The following ATF7 variants were observed in gnomAD, a reference collection of about 807,000 sequenced individuals.
The protein encoded by ATF7 is activating transcription factor 7.
Under a neutral mutation model 50.4 loss-of-function variants are expected in ATF7, and 10 were observed. That is an observed-to-expected ratio of 0.20 (90% CI 0.12 to 0.34). ATF7 has a LOEUF of 0.34. ATF7 is among the 10% of genes least tolerant of loss of function. ATF7 has a pLI of 1.00. For missense variants in ATF7, 465 were observed against 613.9 expected (o/e 0.76, Z 2.56); for synonymous variants, 201 against 226.4 (o/e 0.89, Z 1.01).
At position 53,512,542 on chromosome 12, in the gene ATF7, C is replaced by G. The variant is rs1405707993; in HGVS notation, c.*4595G>C. 1.3e-5 allele frequency: 2 copies of G among 152,236 alleles called. No individual in the cohort carries two copies. Among genetic ancestry groups the G allele is most frequent in the African/African-American group, 4.8e-5 (2 of 41,452 alleles). The allele number at this position is 152,236 out of a possible 1,614,324, so 9.4% of individuals were successfully genotyped here. Reference sequence around the variant, plus strand: ...TCTTGGGGCTGGAAGCTCATCTCCTCCCTGCCTGAAAGGTGTGTGTGTTGT... The same window carrying G: ...TCTTGGGGCTGGAAGCTCATCTCCTGCCTGCCTGAAAGGTGTGTGTGTTGT... On this transcript the variant is annotated 3_prime_UTR_variant, in exon 12 of 12. Transcript: ENST00000420353.
chr12:53,549,312 A>AC (rs916199359), intron 3 of ATF7, among the ~76,000 whole-genome samples: 1 of 147,986 alleles, frequency 6.8e-6, no homozygotes. Context: ...AGAAAAAAAT[A>AC]CCCCCCAAAA....
At chr12:53,558,530 C>T (rs1291742553) in intron 2 of ATF7, among the ~76,000 whole-genome samples, 2 of 152,166 alleles carry the variant, frequency 1.3e-5, no homozygotes, top group Non-Finnish European at 1.5e-5. Flanking sequence ...GGCTGATGGA[C>T]TCCAGATCTG....
At chr12:53,535,341 A>AAAAAAAAAAAAAAAAG (rs1565929693) in intron 5 of ATF7, among the ~76,000 whole-genome samples, 1 of 151,698 alleles carries the variant, frequency 6.6e-6, no homozygotes, top group African/African-American at 2.4e-5. Flanking sequence ...AAAAAAAAAA[A>AAAAAAAAAAAAAAAAG]AAAAGAAAAG....
intron 2 of ATF7, among the ~76,000 whole-genome samples, chr12:53,575,339 G>A (rs570304234): frequency 9.2e-5 from 14 of 152,030 alleles, no homozygotes; most frequent in South Asian, 4.2e-4. Flanking sequence ...CCCAGGAGGC[G>A]GAGGCTGCGG....
At chr12:53,551,252 T>C (rs1236651800) in intron 3 of ATF7, among the ~76,000 whole-genome samples, 1 of 152,216 alleles carries the variant, frequency 6.6e-6, no homozygotes, top group East Asian at 1.9e-4. Context: ...CTCAAACTCC[T>C]GGGCTCAAGC....
intron 2 of ATF7, among the ~76,000 whole-genome samples, chr12:53,569,490 C>A (rs1941629798): frequency 6.6e-6 from 1 of 152,182 alleles, no homozygotes; most frequent in African/African-American, 2.4e-5. Context: ...GAAGCCTTCT[C>A]TGATGTTTAC....
chr12:53,575,884 T>C (rs1221654508), intron 2 of ATF7: 1 of 152,898 alleles, frequency 6.5e-6, no homozygotes, highest in African/African-American at 2.4e-5. Context: ...GGAGTGTAGG[T>C]AAGACTTTAC....
At chr12:53,610,012 TC>T (rs1943793195) in intron 1 of ATF7, among the ~76,000 whole-genome samples, 1 of 151,774 alleles carries the variant, frequency 6.6e-6, no homozygotes, top group Non-Finnish European at 1.5e-5. Flanking sequence ...AGACGGGGTT[TC>T]ACCATGTTAG....
In ATF7 at chr12:53,513,604, T is replaced by C. The variant is rs370793143; in HGVS notation, c.*3533A>G. ...TGGTTATGAAATTTAAAAAAAATAA[T>C]GTATTTCCTTCCTGTGTATATAATG... On this transcript the variant is annotated 3_prime_UTR_variant, in exon 12 of 12. Transcript: ENST00000420353. The C allele has an allele frequency of 7.6e-4, 115 of 152,176 alleles. 2 individuals carry two copies. The highest frequency in any genetic ancestry group is 2.7e-3 in the African/African-American group (111 of 41,492). The allele number at this position is 152,176 out of a possible 1,614,324, so 9.4% of individuals were successfully genotyped here. A position where few individuals can be genotyped will look rare whatever the true frequency, so the allele number is the denominator to read the frequency against.
chr12:53,549,951 C>G (rs768050521), intron 3 of ATF7, among the ~76,000 whole-genome samples: 14 of 152,134 alleles, frequency 9.2e-5, no homozygotes, highest in Non-Finnish European at 1.6e-4. Flanking sequence ...CTCCTGACCT[C>G]AGGTGATCCA....
intron 1 of ATF7, 39 bp from the exon 2 acceptor site, chr12:53,601,060 A>G: frequency 7.6e-7 from 1 of 1,319,076 alleles, no homozygotes; most frequent in Non-Finnish European, 1.1e-6. Flanking sequence ...TATGTTAAAT[A>G]TGCTGGAGCA....
At chr12:53,528,365 T>C (rs2137358641) in intron 9 of ATF7, among the ~76,000 whole-genome samples, 1 of 152,230 alleles carries the variant, frequency 6.6e-6, no homozygotes, top group African/African-American at 2.4e-5. Flanking sequence ...CAGTAGTTCA[T>C]GCCTGTAATC....
At chr12:53,517,834 T>C (rs1248433435) in intron 11 of ATF7, among the ~76,000 whole-genome samples, 1 of 152,156 alleles carries the variant, frequency 6.6e-6, no homozygotes, top group Non-Finnish European at 1.5e-5. Context: ...TGATTAATTC[T>C]CACAGGAACT....
chr12:53,529,257 T>C (rs1052845739), intron 9 of ATF7, among the ~76,000 whole-genome samples: 3 of 152,206 alleles, frequency 2.0e-5, no homozygotes, highest in African/African-American at 7.2e-5. Flanking sequence ...TGGAGTGCAA[T>C]GGTGCGATCT....
chr12:53,593,344 T>C (rs1191899249), intron 2 of ATF7, among the ~76,000 whole-genome samples: 1 of 152,096 alleles, frequency 6.6e-6, no homozygotes, highest in Admixed American at 6.6e-5. Flanking sequence ...CAGTGAGTTA[T>C]GATTGCACCA....
intron 2 of ATF7, among the ~76,000 whole-genome samples, chr12:53,555,909 G>A (rs779870458): frequency 1.7e-4 from 26 of 152,072 alleles, no homozygotes; most frequent in Non-Finnish European, 2.2e-4. Context: ...TCCACCTCCC[G>A]GGTTCAAGCG....
intron 1 of ATF7, among the ~76,000 whole-genome samples, chr12:53,610,912 C>T (rs1376084597): frequency 2.0e-5 from 3 of 152,024 alleles, no homozygotes; most frequent in East Asian, 1.9e-4. Context: ...ACTACAGCCT[C>T]GACCTCCTAG....
chr12:53,534,585 G>A lies in ATF7; in HGVS notation c.477C>T (p.His159=), dbSNP rs371521373. The change falls in exon 6 of 12, where the codon CAC becomes CAT. Residue 159 remains histidine, a synonymous_variant. Coordinates refer to ENST00000420353, the MANE Select transcript of ATF7 (RefSeq NM_006856.3). ...TTGGATGAAGTGGATCATAGCCCAA[G>A]TGGAGAGGCAGGGAGCCAGGACGTA... ...TIVRPGSLPL[H]LGYDPLHPTL... is the part of the protein sequence containing the mutation. 1 of 1,613,696 alleles carries A rather than the reference G, an allele frequency of 6.2e-7. No individual in the cohort carries two copies. The highest frequency in any genetic ancestry group is 1.3e-5 in the African/African-American group (1 of 74,886).
chr12:53,588,309 T>A (rs1942807723), intron 2 of ATF7, among the ~76,000 whole-genome samples: 1 of 152,154 alleles, frequency 6.6e-6, no homozygotes, highest in South Asian at 2.1e-4. Context: ...AGAGGTGCTA[T>A]GAAGTCAAAG....
Sources: allele counts gnomAD v4.1 joint callset (sites outside exome capture counted in the v4.1 genomes callset), GRCh38; gene constraint gnomAD v4.1.1; transcripts MANE v1.5; gene names NCBI Gene and HGNC (gene_info 2026-07-23, HGNC 2026-07-21).